Variants in NKAIN3 observed in about 807,000 individuals in gnomAD.
The protein encoded by NKAIN3 is sodium/potassium-transporting ATPase subunit beta-1-interacting protein 3.
A neutral mutation model predicts 30.2 loss-of-function variants in NKAIN3; 25 were observed. The ratio of observed to expected loss-of-function variants is 0.83; its 90% CI spans 0.60 to 1.16. The LOEUF is 1.16. Among genes scored for constraint, NKAIN3 ranks in the 50% most tolerant of loss-of-function variants. The pLI, the probability that NKAIN3 is intolerant of heterozygous loss-of-function variation, is 0.00. For missense variants in NKAIN3, 225 were observed against 254.1 expected (o/e 0.89, Z 0.78); for synonymous variants, 91 against 89.6 (o/e 1.02, Z -0.09).
intron 5 of NKAIN3, chr8:62,990,113 A>T (rs148305517): frequency 1.2e-6 from 1 of 858,566 alleles, no homozygotes; most frequent in Admixed American, 2.5e-5. Flanking sequence ...TTTCAATCTA[A>T]TAAGATCAAT....
chr8:62,413,318 CA>C (rs1804323352), intron 1 of NKAIN3, among the ~76,000 whole-genome samples: 1 of 152,144 alleles, frequency 6.6e-6, no homozygotes, highest in South Asian at 2.1e-4. Context: ...TCAGTAAGCA[CA>C]CATGTCTGGA....
intron 1 of NKAIN3, among the ~76,000 whole-genome samples, chr8:62,409,118 G>T (rs1013400262): frequency 6.6e-6 from 1 of 152,040 alleles, no homozygotes. Flanking sequence ...ACAAGTTAGT[G>T]TTCTGTGCTA....
intron 1 of NKAIN3, among the ~76,000 whole-genome samples, chr8:62,295,707 C>T (rs1813804454): frequency 1.3e-5 from 2 of 152,146 alleles, no homozygotes; most frequent in South Asian, 2.1e-4. Flanking sequence ...TAGCTCCCCT[C>T]TTCGGGTAGA....
At chr8:62,703,891 A>G (rs73266913) in intron 3 of NKAIN3, among the ~76,000 whole-genome samples, 341 of 152,248 alleles carry the variant, frequency 2.2e-3, no homozygotes, top group African/African-American at 7.8e-3. Context: ...TTATATCCTA[A>G]TCTTTTGTTT....
At chr8:62,605,111 C>A (rs1272823208) in intron 3 of NKAIN3, among the ~76,000 whole-genome samples, 1 of 151,984 alleles carries the variant, frequency 6.6e-6, no homozygotes, top group Non-Finnish European at 1.5e-5. Context: ...AGAAGCTGAC[C>A]CAAACTTAGT....
chr8:62,504,194 G>A (rs867881510), intron 1 of NKAIN3, among the ~76,000 whole-genome samples: 3 of 152,104 alleles, frequency 2.0e-5, no homozygotes, highest in Admixed American at 1.3e-4. Context: ...TATTGAATCT[G>A]AGGTGGAACA....
At chr8:62,781,335 C>T (rs368466107) in intron 4 of NKAIN3, among the ~76,000 whole-genome samples, 1 of 151,086 alleles carries the variant, frequency 6.6e-6, no homozygotes, top group African/African-American at 2.4e-5. Flanking sequence ...GAATTTATAT[C>T]ATTAATCATA....
chr8:62,462,876 A>G (rs1806039275), intron 1 of NKAIN3, among the ~76,000 whole-genome samples: 1 of 152,172 alleles, frequency 6.6e-6, no homozygotes, highest in Admixed American at 6.5e-5. Context: ...CACTTCACAT[A>G]TGGGCTTTGC....
intron 3 of NKAIN3, among the ~76,000 whole-genome samples, chr8:62,645,583 T>A (rs1410238546): frequency 6.6e-6 from 1 of 152,148 alleles, no homozygotes; most frequent in Non-Finnish European, 1.5e-5. Flanking sequence ...TAAAATCAGA[T>A]ACAACAGTGG....
chr8:62,799,902 A>T (rs1817998691), intron 4 of NKAIN3, among the ~76,000 whole-genome samples: 1 of 152,192 alleles, frequency 6.6e-6, no homozygotes, highest in Non-Finnish European at 1.5e-5. Context: ...CATTTGTAGC[A>T]ACCTGGGTGG....
intron 1 of NKAIN3, among the ~76,000 whole-genome samples, chr8:62,486,022 A>C (rs1329738871): frequency 3.3e-5 from 5 of 152,192 alleles, no homozygotes; most frequent in Non-Finnish European, 7.3e-5. Flanking sequence ...TTTAGGAATA[A>C]GATCAGGGTT....
rs1401029650 is a variant in NKAIN3 at position 62,545,346 on chromosome 8, AG to A, written c.55-34191del. Among the ~76,000 whole-genome samples, 4 of 152,286 alleles carry A rather than the reference AG, an allele frequency of 2.6e-5. No homozygotes were observed. The East Asian group carries it at 7.7e-4, about 29-fold the overall frequency. Reference sequence around the variant, plus strand: ...ATGCCTGTAATCCCAACACTTTGGGAGGCTTGAAGTTGGTGGATCATTTGAG... The same window carrying A: ...ATGCCTGTAATCCCAACACTTTGGGAGCTTGAAGTTGGTGGATCATTTGAG... On this transcript the variant is annotated intron_variant, in intron 1 of 6. Coordinates refer to ENST00000623646, the MANE Select transcript of NKAIN3 (RefSeq NM_001304533.3).
At chr8:62,879,467 G>A (rs1014291496) in intron 4 of NKAIN3, among the ~76,000 whole-genome samples, 3 of 152,140 alleles carry the variant, frequency 2.0e-5, no homozygotes, top group Non-Finnish European at 2.9e-5. Flanking sequence ...TAGGTTGCCT[G>A]TTCACTCTGA....
intron 1 of NKAIN3, among the ~76,000 whole-genome samples, chr8:62,455,784 C>T (rs1805797159): frequency 6.6e-6 from 1 of 152,170 alleles, no homozygotes; most frequent in Admixed American, 6.5e-5. Context: ...AAATTGCAAG[C>T]TTGTTAGCCT....
intron 4 of NKAIN3, chr8:62,863,333 T>G: frequency 6.5e-7 from 1 of 1,550,236 alleles, no homozygotes; most frequent in South Asian, 1.2e-5. Context: ...ATACCTGCTT[T>G]CTGCCCCTCA....
intron 3 of NKAIN3, among the ~76,000 whole-genome samples, chr8:62,625,957 A>T (rs1811775041): frequency 6.6e-6 from 1 of 151,992 alleles, no homozygotes; most frequent in Admixed American, 6.6e-5. Context: ...GACAAAAAAA[A>T]TCATATAAGT....
intron 1 of NKAIN3, among the ~76,000 whole-genome samples, chr8:62,522,275 C>T (rs1182896373): frequency 6.6e-6 from 1 of 152,046 alleles, no homozygotes; most frequent in Non-Finnish European, 1.5e-5. Context: ...GACATCATGG[C>T]ACAACGCATT....
In NKAIN3 at chr8:62,808,988, G is replaced by A. The variant is rs183599202; in HGVS notation, c.471+61859G>A. On this transcript the variant is annotated intron_variant, in intron 4 of 6. Coordinates refer to ENST00000623646, the MANE Select transcript of NKAIN3 (RefSeq NM_001304533.3). ...TGTATAAGACGGACAGTCCCAGAGT[G>A]GCCATTTTAGAGACCTACCCCTGGG... Among the ~76,000 whole-genome samples, 61 of 152,192 alleles carry A rather than the reference G, an allele frequency of 4.0e-4. No homozygotes were observed. The East Asian group carries it at 0.011, about 28-fold the overall frequency.
At chr8:62,286,012 T>C (rs75029384) in intron 1 of NKAIN3, among the ~76,000 whole-genome samples, 2,533 of 152,288 alleles carry the variant, frequency 0.017, 61 homozygotes, top group African/African-American at 0.055. Context: ...AAGATATTTA[T>C]TTATATCTGC....
Sources: gnomAD v4.1 joint callset for allele counts (sites outside exome capture counted in the v4.1 genomes callset) on GRCh38, gnomAD v4.1.1 for gene constraint, MANE v1.5 for transcripts, NCBI Gene and HGNC (gene_info 2026-07-23, HGNC 2026-07-21) for gene names.